DENND10: variants seen among roughly 807,000 people sequenced by gnomAD.
DENND10 encodes the protein DENN domain-containing protein 10.
In DENND10, 24 loss-of-function variants were observed where a neutral mutation model predicts 43.6. The ratio of observed to expected loss-of-function variants is 0.55; its 90% CI spans 0.40 to 0.77. DENND10 has a LOEUF of 0.77. Ranked by LOEUF, DENND10 falls within the 30% of genes least tolerant of loss-of-function variation. The pLI is 0.00. For missense variants in DENND10, 303 were observed against 429.9 expected, an observed-to-expected ratio of 0.70 and a Z score of 2.61; for synonymous variants, 125 against 157.6, an observed-to-expected ratio of 0.79 and a Z score of 1.55.
At chr10:119,136,334 T>C (rs1846357353) in intron 8 of DENND10, 137 bp from the exon 9 acceptor site, 1 of 980,950 alleles carries the variant, frequency 1.0e-6, no homozygotes, top group African/African-American at 1.7e-5. Flanking sequence ...GTGCTGGGAT[T>C]ACAGGCATGA....
At chr10:119,131,099 T>C (rs1846065893) in intron 7 of DENND10, among the ~76,000 whole-genome samples, 1 of 152,222 alleles carries the variant, frequency 6.6e-6, no homozygotes, top group Admixed American at 6.5e-5. Flanking sequence ...AATGAAGCTG[T>C]TCTTAGAGCT....
At chr10:119,120,041 A>C (rs1406713338) in intron 4 of DENND10, among the ~76,000 whole-genome samples, 1 of 152,094 alleles carries the variant, frequency 6.6e-6, no homozygotes, top group African/African-American at 2.4e-5. Flanking sequence ...TGAGGTCAGG[A>C]GTTCGAGATT....
intron 5 of DENND10, among the ~76,000 whole-genome samples, chr10:119,122,475 G>A (rs1845622002): frequency 1.3e-5 from 2 of 152,168 alleles, no homozygotes; most frequent in Non-Finnish European, 1.5e-5. Flanking sequence ...TTATTGTTAT[G>A]ATCATGATTG....
At chr10:119,124,984 T>C (rs1023395516) in intron 6 of DENND10, among the ~76,000 whole-genome samples, 32 of 152,168 alleles carry the variant, frequency 2.1e-4, no homozygotes, top group African/African-American at 7.7e-4. Context: ...TTTTGTTTTT[T>C]TCTTGGGACG....
chr10:119,134,328 C>T (rs1309630257), intron 8 of DENND10: 1 of 150,920 alleles, frequency 6.6e-6, no homozygotes, highest in Non-Finnish European at 1.5e-5. Context: ...GCATGAGCCA[C>T]CACGCCTGGC....
rs367836571 is a variant in DENND10, at chr10:119,135,791, T to TAAAAAAAAAAAAAAAAAAAAAAAA, written c.898-678_898-655dup. Among the ~76,000 whole-genome samples, 45 of 64,012 alleles carry TAAAAAAAAAAAAAAAAAAAAAAAA rather than the reference T, an allele frequency of 7.0e-4. 3 individuals carry two copies. The highest frequency in any genetic ancestry group is 8.3e-4 in the Non-Finnish European group (30 of 36,018). The allele number at this position is 64,012 out of a possible 152,430, so 42.0% of individuals were successfully genotyped here. A position where few individuals can be genotyped will look rare whatever the true frequency, so the allele number is the denominator to read the frequency against. Reference sequence around the variant, plus strand: ...TACACTCAGAAAATGACTAAAATTGTAAAAAAAAAAAAAAAAAAAAAAAAA... The same window carrying TAAAAAAAAAAAAAAAAAAAAAAAA: ...TACACTCAGAAAATGACTAAAATTGTAAAAAAAAAAAAAAAAAAAAAAAAAAAAAAAAAAAAAAAAAAAAAAAAA... On this transcript the variant is annotated intron_variant, in intron 8 of 8. Transcript: ENST00000361432.
intron 6 of DENND10, among the ~76,000 whole-genome samples, chr10:119,127,925 C>G (rs1274642222): frequency 6.6e-6 from 1 of 152,142 alleles, no homozygotes; most frequent in Non-Finnish European, 1.5e-5. Flanking sequence ...CCACTGCCCC[C>G]ACCTGTTATT....
At chr10:119,104,628 T>A (rs1564774095) in intron 1 of DENND10, 1 of 151,234 alleles carries the variant, frequency 6.6e-6, no homozygotes. Context: ...AGGGTCCGGT[T>A]CCCCCGAGCC....
At chr10:119,130,430 T>C (rs1354447056) in intron 7 of DENND10, among the ~76,000 whole-genome samples, 1 of 152,152 alleles carries the variant, frequency 6.6e-6, no homozygotes, top group Non-Finnish European at 1.5e-5. Context: ...AGTGCTGGGA[T>C]TACTTACATA....
At position 119,132,912 on chromosome 10, in the gene DENND10, C is replaced by T; in HGVS notation, c.897+303C>T. The T allele has an allele frequency of 2.8e-6, 1 of 354,486 alleles. No homozygotes were observed. Among genetic ancestry groups the T allele is most frequent in the Non-Finnish European group, 5.2e-6 (1 of 193,250 alleles). The allele number at this position is 354,486 out of a possible 1,614,324, so 22.0% of individuals were successfully genotyped here. A position where few individuals can be genotyped will look rare whatever the true frequency, so the allele number is the denominator to read the frequency against. On this transcript the variant is annotated intron_variant, in intron 8 of 8. Transcript: ENST00000361432. This position sits in a 1 kb window ranked among gnomAD's most constrained non-coding sequence, Gnocchi z 4.2. ...GCTTTTCTGGGCCAGCCAGTGCATT[C>T]TTTCTTCCTAGGAGAATTTCCCTGG...
chr10:119,105,404 CG>C (rs1844642922), intron 1 of DENND10: 1 of 310,466 alleles, frequency 3.2e-6, no homozygotes, highest in Non-Finnish European at 5.4e-6. Context: ...CCTCCCGCCT[CG>C]GCCTCCGAGT....
intron 1 of DENND10, among the ~76,000 whole-genome samples, chr10:119,106,801 T>C (rs1016772352): frequency 3.9e-5 from 6 of 152,322 alleles, no homozygotes; most frequent in South Asian, 2.1e-4. Flanking sequence ...TCCCAGCACT[T>C]TGGGGGGCCG....
rs1459831701 is a variant in DENND10 at position 119,111,843 on chromosome 10, G to A, written c.253-6G>A. On this transcript the variant is annotated splice_polypyrimidine_tract_variant and splice_region_variant and intron_variant, in intron 2 of 8. Transcript: ENST00000361432. Reference sequence around the variant, plus strand: ...AGTGTATTTTTTTGTTGTTTCTTTTGAACAGGTGACTCATTTTTCTATTGT... The same window carrying A: ...AGTGTATTTTTTTGTTGTTTCTTTTAAACAGGTGACTCATTTTTCTATTGT... 6.2e-7 allele frequency: 1 copy of A among 1,607,674 alleles called. No individual in the cohort carries two copies. Among genetic ancestry groups the A allele is most frequent in the Non-Finnish European group, 8.5e-7 (1 of 1,174,858 alleles).
chr10:119,109,597 C>G (rs529044142), intron 2 of DENND10, among the ~76,000 whole-genome samples: 1 of 148,092 alleles, frequency 6.8e-6, no homozygotes, highest in South Asian at 2.1e-4. Context: ...TTCATAGTTA[C>G]AAAATATAAA....
chr10:119,122,573 C>T (rs1845626738), intron 5 of DENND10, among the ~76,000 whole-genome samples: 1 of 152,122 alleles, frequency 6.6e-6, no homozygotes, highest in African/African-American at 2.4e-5. Flanking sequence ...CACCTTTTCC[C>T]CCTCTACGTA....
chr10:119,114,405 A>T (rs1353344947), intron 3 of DENND10: 1 of 152,216 alleles, frequency 6.6e-6, no homozygotes, highest in East Asian at 1.9e-4. Context: ...TGCCTTCCAC[A>T]CACAGCTTGC....
intron 1 of DENND10, among the ~76,000 whole-genome samples, 191 bp from the exon 2 acceptor site, chr10:119,107,777 G>A (rs111295717): frequency 2.6e-5 from 4 of 152,324 alleles, no homozygotes; most frequent in Admixed American, 2.6e-4. Flanking sequence ...CAGGTGGCCT[G>A]TAATTCAGGA....
chr10:119,108,007 A>G lies in DENND10; in HGVS notation c.95A>G (p.Tyr32Cys). 1 of 1,614,048 alleles carries G rather than the reference A, an allele frequency of 6.2e-7. No individual in the cohort carries two copies. The highest frequency in any genetic ancestry group is 8.5e-7 in the Non-Finnish European group (1 of 1,179,928). The change falls in exon 2 of 9, where the codon TAT becomes TGT. Residue 32 changes from tyrosine to cysteine, a missense_variant. Tyr to Cys is a radical substitution (Grantham distance 194, BLOSUM62 -2). Coordinates refer to ENST00000361432, the MANE Select transcript of DENND10 (RefSeq NM_207009.4). ...TNGEVLWVWC[Y>C]PSTTATLRNL... Reference sequence around the variant, plus strand: ...GGAGAAGTTCTGTGGGTGTGGTGTTATCCTTCCACGACAGCCACATTAAGG... The same window carrying G: ...GGAGAAGTTCTGTGGGTGTGGTGTTGTCCTTCCACGACAGCCACATTAAGG...
Position 119,117,741 on chromosome 10 carries a change from G to T in DENND10, c.481+74G>T, listed in dbSNP as rs1020918916. ...CCAACACTTTGGGAGGCCAAGGCGG[G>T]TGGATCACGAGGTCAGGAGATCGAG... On this transcript the variant is annotated intron_variant, in intron 4 of 8. Coordinates refer to ENST00000361432, the MANE Select transcript of DENND10 (RefSeq NM_207009.4). 9.7e-6 allele frequency: 14 copies of T among 1,441,916 alleles called. 1 individual carries two copies. In the South Asian group the frequency reaches 1.7e-4, roughly 17 times the overall value. The allele number at this position is 1,441,916 out of a possible 1,614,324, so 89.3% of individuals were successfully genotyped here.
Sources: gnomAD v4.1 joint callset for allele counts (sites outside exome capture counted in the v4.1 genomes callset) on GRCh38, gnomAD v4.1.1 for gene constraint, Gnocchi (gnomAD v3.1) non-coding constraint, MANE v1.5 for transcripts, NCBI Gene and HGNC (gene_info 2026-07-23, HGNC 2026-07-21) for gene names.